Variants in CUX1 observed in about 807,000 individuals in gnomAD.
CUX1 encodes the protein protein CASP.
Under a neutral mutation model 158.8 loss-of-function variants are expected in CUX1, and 31 were observed. The observed-to-expected ratio is 0.20, with a 90% confidence interval of 0.15 to 0.26. The LOEUF (loss-of-function observed/expected upper bound fraction) is 0.26, where lower values mean the gene tolerates loss of function less well. Among genes scored for constraint, CUX1 ranks in the 10% least tolerant of loss-of-function variants. The pLI is 1.00. For synonymous variants in CUX1, 879 were observed against 862.1 expected (o/e 1.02, Z -0.34); for missense variants, 1,589 against 2,014.6 (o/e 0.79, Z 4.04).
chr7:102,003,295 AACACACACACAC>A (rs56760446), intron 2 of CUX1, among the ~76,000 whole-genome samples: 3,417 of 131,964 alleles, frequency 0.026, 69 homozygotes, highest in Non-Finnish European at 0.038. Context: ...CCTGGTGCCG[AACACACACACAC>A]ACACACACAC....
chr7:101,889,014 T>A (rs960954973), intron 1 of CUX1, among the ~76,000 whole-genome samples: 2 of 151,916 alleles, frequency 1.3e-5, no homozygotes, highest in African/African-American at 4.8e-5. Context: ...GCCTGTAATC[T>A]TAGCACTTTG....
chr7:102,079,496 G>T (rs1400561190), intron 4 of CUX1, among the ~76,000 whole-genome samples: 1 of 151,934 alleles, frequency 6.6e-6, no homozygotes, highest in African/African-American at 2.4e-5. Flanking sequence ...TGGTTTTCAT[G>T]CCAAGAAGTT....
intron 6 of CUX1, among the ~76,000 whole-genome samples, chr7:102,104,718 C>T (rs541326918): frequency 6.6e-6 from 1 of 151,850 alleles, no homozygotes; most frequent in Non-Finnish European, 1.5e-5. Flanking sequence ...GGTGAAACCC[C>T]GTCTCTACTA....
At chr7:102,194,318 G>A (rs1233400265) in intron 13 of CUX1, among the ~76,000 whole-genome samples, 1 of 152,134 alleles carries the variant, frequency 6.6e-6, no homozygotes, top group Non-Finnish European at 1.5e-5. Context: ...GTTTAAGAAG[G>A]CCAGGCTCAG....
intron 3 of CUX1, among the ~76,000 whole-genome samples, chr7:102,033,608 C>T (rs981170587): frequency 1.1e-4 from 16 of 152,254 alleles, no homozygotes; most frequent in African/African-American, 3.4e-4. Flanking sequence ...CTGTAACTAC[C>T]AAAATTGATT....
At chr7:102,160,917 G>T (rs1790362883) in intron 9 of CUX1, among the ~76,000 whole-genome samples, 1 of 152,214 alleles carries the variant, frequency 6.6e-6, no homozygotes, top group Non-Finnish European at 1.5e-5. Context: ...TAATGGTTAA[G>T]ATGGTAAATT....
chr7:102,094,539 A>G (rs188010851), intron 4 of CUX1, among the ~76,000 whole-genome samples: 2 of 152,310 alleles, frequency 1.3e-5, no homozygotes, highest in East Asian at 1.9e-4. Flanking sequence ...GGGAGAAGCT[A>G]TTTTTTAATT....
At chr7:102,142,328 A>G (rs1399303766) in intron 8 of CUX1, among the ~76,000 whole-genome samples, 1 of 152,210 alleles carries the variant, frequency 6.6e-6, no homozygotes, top group Non-Finnish European at 1.5e-5. Flanking sequence ...GAAAGAGAGA[A>G]TGCAGAAACT....
rs573783325 is a variant in CUX1 at position 102,084,141 on chromosome 7, C to T, written c.269-13223C>T. ...CTTCAAGTGATCTGCCCACCTCAGC[C>T]TCCCAAAGTGCTAGGATTACAGGTG... is the stretch of plus-strand genomic sequence containing the variant. On this transcript the variant is annotated intron_variant, in intron 4 of 23. Coordinates refer to ENST00000292535, the MANE Select transcript of CUX1 (RefSeq NM_181552.4). Among the ~76,000 whole-genome samples, 14 of 145,966 alleles carry T rather than the reference C, an allele frequency of 9.6e-5. 3 individuals carry two copies. Among genetic ancestry groups the T allele is most frequent in the Non-Finnish European group, 1.9e-4 (12 of 64,812 alleles).
intron 1 of CUX1, among the ~76,000 whole-genome samples, chr7:101,872,534 GAT>G (rs1491467331): frequency 7.7e-6 from 1 of 130,348 alleles, no homozygotes; most frequent in East Asian, 2.7e-4. Flanking sequence ...GGGCTTCTAT[GAT>G]TTTTTTTTTT....
rs140651674 is a variant in CUX1 at position 102,113,333 on chromosome 7, G to A, written c.607+1559G>A. ...GGCTCACTGCAACCTCTGCTCCCCG[G>A]GTTCAAGTGATTCTTCTGCCCCAGG... On this transcript the variant is annotated intron_variant, in intron 7 of 23. Coordinates refer to ENST00000292535, the MANE Select transcript of CUX1 (RefSeq NM_181552.4). 4.7e-3 allele frequency among the ~76,000 whole-genome samples: 720 copies of A among 152,074 alleles called. 6 individuals are homozygous for A. Among genetic ancestry groups the A allele is most frequent in the African/African-American group, 0.016 (684 of 41,492 alleles).
At position 102,255,824 on chromosome 7, in the gene CUX1, TTTTTATTA is replaced by T. The variant is rs202193774; in HGVS notation, c.*6795_*6802del. The T allele has an allele frequency of 1.2e-4, 120 of 983,220 alleles. No homozygotes were observed. In the East Asian group the frequency reaches 8.4e-3, roughly 69 times the overall value. 60.9% of individuals were successfully genotyped at this position (983,220 alleles called of 1,614,324 possible). A position where few individuals can be genotyped will look rare whatever the true frequency, so the allele number is the denominator to read the frequency against. On this transcript the variant is annotated 3_prime_UTR_variant, in exon 24 of 24. Coordinates refer to ENST00000292535, the MANE Select transcript of CUX1 (RefSeq NM_181552.4). ...TTTTTTCCCCCCTTTTCCTTCTTCT[TTTTTATTA>T]TTTTATTATTTTTTTTGTACTTTGC...
At chr7:101,822,861 A>G (rs1027673265) in intron 1 of CUX1, among the ~76,000 whole-genome samples, 16 of 151,404 alleles carry the variant, frequency 1.1e-4, no homozygotes, top group Admixed American at 7.9e-4. Context: ...AGATCGTGTG[A>G]CTGCTCTGCA....
chr7:102,128,737 G>GGA (rs1257659934), intron 8 of CUX1, among the ~76,000 whole-genome samples: 1 of 151,924 alleles, frequency 6.6e-6, no homozygotes, highest in African/African-American at 2.4e-5. Flanking sequence ...CAGCACTTTG[G>GGA]GAGATCAAGG....
intron 1 of CUX1, among the ~76,000 whole-genome samples, chr7:101,880,015 G>A (rs1323827524): frequency 5.3e-5 from 8 of 152,274 alleles, no homozygotes; most frequent in African/African-American, 1.7e-4. Context: ...GAGAGGAGGC[G>A]TTTTTGGATC....
intron 3 of CUX1, among the ~76,000 whole-genome samples, chr7:102,045,626 C>G (rs1423020564): frequency 6.6e-6 from 1 of 152,284 alleles, no homozygotes; most frequent in African/African-American, 2.4e-5. Flanking sequence ...TTGTACAAGT[C>G]AACAGCAGAC....
At chr7:102,140,281 C>T (rs1834301857) in intron 8 of CUX1, among the ~76,000 whole-genome samples, 1 of 152,210 alleles carries the variant, frequency 6.6e-6, no homozygotes, top group Non-Finnish European at 1.5e-5. Flanking sequence ...GAGTCTTGCT[C>T]TGTCACCCAG....
At chr7:101,886,434 C>G (rs1457670919) in intron 1 of CUX1, among the ~76,000 whole-genome samples, 1 of 152,138 alleles carries the variant, frequency 6.6e-6, no homozygotes, top group African/African-American at 2.4e-5. Context: ...CTTCTGGGTT[C>G]AAGTGATCTG....
chr7:102,204,578 G>A, intron 19 of CUX1, 22 bp downstream of exon 19: 1 of 1,608,230 alleles, frequency 6.2e-7, no homozygotes, highest in Non-Finnish European at 8.5e-7. Context: ...CCTGCCACAG[G>A]AGAGGGGCTG....
Sources: allele counts gnomAD v4.1 joint callset (sites outside exome capture counted in the v4.1 genomes callset), GRCh38; gene constraint gnomAD v4.1.1; transcripts MANE v1.5; gene names NCBI Gene and HGNC (gene_info 2026-07-23, HGNC 2026-07-21).